ROCK2: variants seen among roughly 807,000 people sequenced by gnomAD.
ROCK2 encodes Rho associated coiled-coil containing protein kinase 2, also known as rho-associated protein kinase 2.
Under a neutral mutation model 195.1 loss-of-function variants are expected in ROCK2, and 61 were observed. The observed-to-expected ratio is 0.31, with a 90% CI of 0.25 to 0.39. The LOEUF is 0.39. Ranked by LOEUF, ROCK2 falls within the 10% of genes least tolerant of loss-of-function variation. The pLI, the probability that ROCK2 is intolerant of heterozygous loss-of-function variation, is 1.00. For synonymous variants in ROCK2, 504 were observed against 545.5 expected (o/e 0.92, Z 1.06); for missense variants, 1,109 against 1,637.4 (o/e 0.68, Z 5.57).
intron 3 of ROCK2, among the ~76,000 whole-genome samples, chr2:11,274,135 A>T (rs2148171435): frequency 6.6e-6 from 1 of 152,242 alleles, no homozygotes; most frequent in African/African-American, 2.4e-5. Context: ...TTATAGCTAT[A>T]AATGCTTACA....
rs1380297455 is a variant in ROCK2 at position 11,202,096 on chromosome 2, T to C, written c.2575A>G (p.Met859Val). The C allele has an allele frequency of 6.2e-7, 1 of 1,613,856 alleles. No individual in the cohort carries two copies. Among genetic ancestry groups the C allele is most frequent in the Admixed American group, 1.7e-5 (1 of 60,016 alleles). Residue 859 changes from methionine to valine, a missense_variant, in exon 21 of 33, where the codon ATG (methionine) becomes GTG (valine). Physicochemically the swap from Met to Val is conservative, Grantham distance 21. Transcript: ENST00000315872. ...TCGAGCTGATCCTGGAGCTCTTTCA[T>C]TTGCCCATCTGCATCCTGACGTTCT... ...RKERQDADGQ[M>V]KELQDQLEAE...
At chr2:11,194,905 G>T in intron 28 of ROCK2, 50 bp downstream of exon 28, 1 of 1,127,044 alleles carries the variant, frequency 8.9e-7, no homozygotes, top group Non-Finnish European at 1.3e-6. Context: ...AATGACTAGA[G>T]TTAAAACAAA....
intron 4 of ROCK2, among the ~76,000 whole-genome samples, chr2:11,243,858 T>G (rs913429694): frequency 2.6e-5 from 4 of 152,232 alleles, no homozygotes; most frequent in African/African-American, 4.8e-5. Context: ...ACTGGTTCAT[T>G]CATACATTTG....
chr2:11,336,660 A>G (rs1668938318), intron 1 of ROCK2, among the ~76,000 whole-genome samples: 1 of 152,250 alleles, frequency 6.6e-6, no homozygotes, highest in Non-Finnish European at 1.5e-5. Context: ...AACTGTCAGT[A>G]AACTGACTTT....
At chr2:11,237,057 C>T (rs1228815731) in intron 4 of ROCK2, among the ~76,000 whole-genome samples, 2 of 152,182 alleles carry the variant, frequency 1.3e-5, no homozygotes, top group African/African-American at 4.8e-5. Context: ...GAGGCTGAGG[C>T]AGGAGAACTG....
At chr2:11,345,076 C>G (rs1374638379), upstream of ROCK2, among the ~76,000 whole-genome samples, 7 of 152,050 alleles carry the variant, frequency 4.6e-5, no homozygotes, top group African/African-American at 1.7e-4. Context: ...CTATGCGGGC[C>G]TCGCCTCACC....
chr2:11,251,355 C>T (rs986013344), intron 3 of ROCK2, among the ~76,000 whole-genome samples: 3 of 152,230 alleles, frequency 2.0e-5, no homozygotes, highest in Non-Finnish European at 2.9e-5. Flanking sequence ...TTACTAAGTA[C>T]TTGGCATGTG....
At chr2:11,247,844 A>AC (rs1239905901) in intron 4 of ROCK2, among the ~76,000 whole-genome samples, 12 of 152,034 alleles carry the variant, frequency 7.9e-5, no homozygotes, top group Non-Finnish European at 1.2e-4. Flanking sequence ...ACATGGTGAG[A>AC]CCCCGTCTCT....
At chr2:11,222,213 A>G (rs367739469) in intron 7 of ROCK2, 39 bp from the exon 8 acceptor site, 1 of 1,204,542 alleles carries the variant, frequency 8.3e-7, no homozygotes, top group African/African-American at 1.5e-5. Flanking sequence ...TTTAAAAATT[A>G]TAAAATAAAA....
chr2:11,278,754 A>G (rs1329132936), intron 3 of ROCK2, among the ~76,000 whole-genome samples: 5 of 152,132 alleles, frequency 3.3e-5, no homozygotes, highest in African/African-American at 1.2e-4. Flanking sequence ...CTGGGATTAC[A>G]GGTGCCTGCC....
At chr2:11,285,788 C>G (rs1254892042) in intron 3 of ROCK2, among the ~76,000 whole-genome samples, 1 of 151,916 alleles carries the variant, frequency 6.6e-6, no homozygotes, top group Non-Finnish European at 1.5e-5. Context: ...GATTGTGCCA[C>G]TGCACTCCAG....
chr2:11,307,626 T>C (rs2148225555), intron 1 of ROCK2, among the ~76,000 whole-genome samples: 1 of 152,294 alleles, frequency 6.6e-6, no homozygotes, highest in South Asian at 2.1e-4. Context: ...AACATTATCT[T>C]AAAGAGACTT....
chr2:11,288,488 G>A (rs72787697), intron 1 of ROCK2, among the ~76,000 whole-genome samples: 6,466 of 152,188 alleles, frequency 0.042, 278 homozygotes, highest in Non-Finnish European at 0.06. Context: ...ATTTAAAGAC[G>A]AAGAAACAAA....
intron 1 of ROCK2, among the ~76,000 whole-genome samples, chr2:11,294,875 C>T (rs1000360561): frequency 6.6e-6 from 1 of 152,044 alleles, no homozygotes; most frequent in African/African-American, 2.4e-5. Flanking sequence ...CCTCCACCTC[C>T]TCCTCCACCT....
chr2:11,325,250 G>A (rs1422900741), intron 1 of ROCK2, among the ~76,000 whole-genome samples: 1 of 152,152 alleles, frequency 6.6e-6, no homozygotes, highest in Admixed American at 6.5e-5. Flanking sequence ...TGTGTATGTG[G>A]TTCTGGCAGG....
At chr2:11,294,340 A>C (rs895851583) in intron 1 of ROCK2, among the ~76,000 whole-genome samples, 13 of 152,370 alleles carry the variant, frequency 8.5e-5, no homozygotes, top group African/African-American at 2.9e-4. Context: ...GCTATTGCAG[A>C]GTTCTTGGAT....
rs1038638778 is a variant in ROCK2, at chr2:11,235,526, A to C, written c.723+176T>G. On this transcript the variant is annotated intron_variant, in intron 5 of 32. Coordinates refer to ENST00000315872, the MANE Select transcript of ROCK2 (RefSeq NM_004850.5). This position sits in a 1 kb window ranked among gnomAD's most constrained non-coding sequence, Gnocchi z 4.2. Reference sequence around the variant, plus strand: ...CTACAGCTACATAAATGATTACAAAAGAAATGTTTTAAGTTGGTTAAGGAA... The same window carrying C: ...CTACAGCTACATAAATGATTACAAACGAAATGTTTTAAGTTGGTTAAGGAA... Among the ~76,000 whole-genome samples the C allele has an allele frequency of 1.2e-4, 18 of 152,208 alleles. No homozygotes were observed. Among genetic ancestry groups the C allele is most frequent in the African/African-American group, 4.1e-4 (17 of 41,464 alleles).
chr2:11,254,672 A>T (rs1015566686), intron 3 of ROCK2, among the ~76,000 whole-genome samples: 1 of 130,662 alleles, frequency 7.7e-6, no homozygotes, highest in Admixed American at 9.2e-5. Context: ...AGGCAGGAGG[A>T]CTGCTTAAGC....
At chr2:11,241,962 T>C (rs780333973) in intron 4 of ROCK2, among the ~76,000 whole-genome samples, 4 of 152,210 alleles carry the variant, frequency 2.6e-5, no homozygotes, top group Non-Finnish European at 5.9e-5. Context: ...ATGGGTTTAC[T>C]GCCCTTGTAA....
Sources: allele counts gnomAD v4.1 joint callset (sites outside exome capture counted in the v4.1 genomes callset), GRCh38; gene constraint gnomAD v4.1.1; non-coding constraint Gnocchi (gnomAD v3.1); transcripts MANE v1.5; gene names NCBI Gene and HGNC (gene_info 2026-07-23, HGNC 2026-07-21).